Variants in MACC1 observed in about 807,000 individuals in gnomAD.
MACC1 encodes metastasis-associated in colon cancer protein 1.
MACC1 carries 79 observed loss-of-function variants against 70.7 expected under a neutral mutation model. That is an observed-to-expected ratio of 1.12 (90% CI 0.93 to 1.35). The LOEUF (loss-of-function observed/expected upper bound fraction) is 1.35. Among genes scored for constraint, MACC1 ranks in the 40% most tolerant of loss-of-function variants. The probability of loss-of-function intolerance (pLI) is 0.00; values close to 1 mark genes in which losing one functional copy is unlikely to be tolerated. For missense variants in MACC1, 1,106 were observed against 978.1 expected (o/e 1.13, Z -1.74); for synonymous variants, 361 against 347.2 (o/e 1.04, Z -0.44).
rs558666156 is a variant in MACC1, at chr7:20,175,352, C to T, written c.-217-4574G>A. 9.1e-4 allele frequency among the ~76,000 whole-genome samples: 138 copies of T among 152,044 alleles called. 3 individuals carry two copies. Among genetic ancestry groups the T allele is most frequent in the African/African-American group, 3.0e-3 (124 of 41,500 alleles). ...TGTGAATATGTACAAAATATATACA[C>T]ATATTTAATCAATGTTTTGGTTTTT... On this transcript the variant is annotated intron_variant, in intron 1 of 6. Coordinates refer to ENST00000400331, the MANE Select transcript of MACC1 (RefSeq NM_182762.4).
intron 1 of MACC1, among the ~76,000 whole-genome samples, chr7:20,172,323 G>C (rs1725490205): frequency 6.6e-6 from 1 of 152,162 alleles, no homozygotes; most frequent in African/African-American, 2.4e-5. Context: ...AAACCAGGAT[G>C]GCTGGTTACC....
At chr7:20,168,338 C>G (rs1389708254) in intron 2 of MACC1, among the ~76,000 whole-genome samples, 1 of 152,040 alleles carries the variant, frequency 6.6e-6, no homozygotes, top group Non-Finnish European at 1.5e-5. Flanking sequence ...AGGACAACTT[C>G]AAATAAAAGC....
chr7:20,175,970 C>T (rs1181880389), intron 1 of MACC1, among the ~76,000 whole-genome samples: 1 of 152,028 alleles, frequency 6.6e-6, no homozygotes, highest in Non-Finnish European at 1.5e-5. Flanking sequence ...GAAGTGGGTT[C>T]TACAACTGAC....
intron 5 of MACC1, among the ~76,000 whole-genome samples, chr7:20,156,745 A>G (rs1782060187): frequency 6.6e-6 from 1 of 152,228 alleles, no homozygotes; most frequent in Non-Finnish European, 1.5e-5. Flanking sequence ...CATCAAAAAT[A>G]TTGAAAGAGA....
chr7:20,144,714 C>T (rs1035167922), intron 6 of MACC1, among the ~76,000 whole-genome samples: 3 of 152,000 alleles, frequency 2.0e-5, no homozygotes, highest in Non-Finnish European at 4.4e-5. Context: ...TAAAAAATTA[C>T]AGTTGGAATG....
At chr7:20,169,507 T>G (rs1180614782) in intron 2 of MACC1, among the ~76,000 whole-genome samples, 1 of 152,238 alleles carries the variant, frequency 6.6e-6, no homozygotes, top group African/African-American at 2.4e-5. Flanking sequence ...GCATGGTCTT[T>G]TCTAGCAAAC....
At chr7:20,150,542 A>C (rs1781959860) in intron 6 of MACC1, 1 of 152,234 alleles carries the variant, frequency 6.6e-6, no homozygotes, top group South Asian at 2.1e-4. Context: ...TTAAATGGTG[A>C]CTACAAATAG....
intron 6 of MACC1, chr7:20,147,585 C>T (rs1420930859): frequency 6.6e-6 from 1 of 152,158 alleles, no homozygotes; most frequent in African/African-American, 2.4e-5. Flanking sequence ...TTAGTAAGTA[C>T]ATAAATATTG....
At chr7:20,175,993 C>T (rs1312061873) in intron 1 of MACC1, among the ~76,000 whole-genome samples, 1 of 151,994 alleles carries the variant, frequency 6.6e-6, no homozygotes, top group Non-Finnish European at 1.5e-5. Context: ...CTTCGATATC[C>T]TTCAGTATTA....
chr7:20,191,529 G>A (rs1422600668), intron 1 of MACC1, among the ~76,000 whole-genome samples: 3 of 152,164 alleles, frequency 2.0e-5, no homozygotes, highest in African/African-American at 7.2e-5. Flanking sequence ...CTGCTTACAG[G>A]TGCTGGTATA....
At chr7:20,189,748 TAAACACAC>T (rs1562597394) in intron 1 of MACC1, among the ~76,000 whole-genome samples, 1 of 110,952 alleles carries the variant, frequency 9.0e-6, no homozygotes, top group East Asian at 2.1e-4. Context: ...CACAAACACA[TAAACACAC>T]ACACACACAC....
rs758287011 is a variant in MACC1 at position 20,159,031 on chromosome 7, A to C, written c.1330T>G (p.Phe444Val). ...CTTTCTCCTTCTGTCTTTACTTCAA[A>C]ATCAGGATCACAGGAAAAAATAGAA... is the stretch of plus-strand genomic sequence containing the variant. ...SISIFSCDPDFEVKTEGERKE... is the reference protein window; with the variant it reads ...SISIFSCDPDVEVKTEGERKE... The change falls in exon 5 of 7, where the codon TTT becomes GTT. Residue 444 changes from phenylalanine (F) to valine (V), a missense_variant. Phe to Val is a conservative substitution (Grantham distance 50, BLOSUM62 -1). Coordinates refer to ENST00000400331, the MANE Select transcript of MACC1 (RefSeq NM_182762.4). The C allele has an allele frequency of 8.7e-6, 14 of 1,613,820 alleles. No individual in the cohort carries two copies. Among genetic ancestry groups the C allele is most frequent in the Non-Finnish European group, 1.1e-5 (13 of 1,180,010 alleles).
chr7:20,203,078 A>G (rs1195952566), intron 1 of MACC1, among the ~76,000 whole-genome samples: 1 of 152,156 alleles, frequency 6.6e-6, no homozygotes, highest in Non-Finnish European at 1.5e-5. Context: ...TTCTAATACC[A>G]CTGATGAAAT....
At chr7:20,155,093 A>T (rs1429296986) in intron 5 of MACC1, among the ~76,000 whole-genome samples, 2 of 152,202 alleles carry the variant, frequency 1.3e-5, no homozygotes, top group African/African-American at 4.8e-5. Context: ...TCAGGCTCTT[A>T]CCTAACCATG....
chr7:20,211,792 G>C (rs1278117458), intron 1 of MACC1, among the ~76,000 whole-genome samples: 1 of 152,040 alleles, frequency 6.6e-6, no homozygotes, highest in African/African-American at 2.4e-5. Context: ...CTTTCATTTG[G>C]ACACAAATAG....
Position 20,160,213 on chromosome 7 carries a change from G to A in MACC1, c.148C>T (p.Pro50Ser). ...TTACCACGAAGGGTGAAAGCATCCGGCCAATTGTGAAGCAAGTCTGGGTCC... is the reference window on the plus strand; with the variant it reads ...TTACCACGAAGGGTGAAAGCATCCGACCAATTGTGAAGCAAGTCTGGGTCC... ...CQDPDLLHNW[P>S]DAFTLRGNNA... Residue 50 changes from proline to serine, a missense_variant, in exon 5 of 7, where the codon CCG becomes TCG. By Grantham distance (74) the Pro-to-Ser change is moderately conservative. Coordinates refer to ENST00000400331, the MANE Select transcript of MACC1 (RefSeq NM_182762.4). The A allele has an allele frequency of 6.3e-7, 1 of 1,585,082 alleles. No homozygotes were observed. Among genetic ancestry groups the A allele is most frequent in the East Asian group, 2.2e-5 (1 of 44,462 alleles).
At chr7:20,156,195 T>C (rs1424049345) in intron 5 of MACC1, among the ~76,000 whole-genome samples, 3 of 152,166 alleles carry the variant, frequency 2.0e-5, no homozygotes, top group East Asian at 3.9e-4. Context: ...CCTAGAAAAA[T>C]GTATATTTAC....
intron 1 of MACC1, among the ~76,000 whole-genome samples, chr7:20,196,268 C>A (rs371497467): frequency 6.6e-6 from 1 of 152,154 alleles, no homozygotes; most frequent in South Asian, 2.1e-4. Context: ...GCAAGCTCCG[C>A]CTCCTGGGTT....
chr7:20,143,647 G>T (rs532075200), intron 6 of MACC1, among the ~76,000 whole-genome samples: 59 of 151,862 alleles, frequency 3.9e-4, no homozygotes, highest in African/African-American at 1.4e-3. Flanking sequence ...CCTCGGACTC[G>T]CAAAGTGCTG....
Sources: allele counts gnomAD v4.1 joint callset (sites outside exome capture counted in the v4.1 genomes callset), GRCh38; gene constraint gnomAD v4.1.1; transcripts MANE v1.5; gene names NCBI Gene and HGNC (gene_info 2026-07-23, HGNC 2026-07-21).